Variants in CDH2 observed in about 807,000 individuals in gnomAD.
CDH2 encodes cadherin 2, also known as cadherin-2.
Under a neutral mutation model 92.0 loss-of-function variants are expected in CDH2, and 17 were observed. The observed-to-expected ratio is 0.18, with a 90% CI of 0.13 to 0.28. The LOEUF (loss-of-function observed/expected upper bound fraction) is 0.28, where lower values mean the gene tolerates loss of function less well. Among genes scored for constraint, CDH2 ranks in the 10% least tolerant of loss-of-function variants. The pLI, the probability that CDH2 is intolerant of heterozygous loss-of-function variation, is 1.00. For synonymous variants in CDH2, 419 were observed against 415.9 expected, an observed-to-expected ratio of 1.01 and a Z score of -0.09; for missense variants, 862 against 1,133.1, an observed-to-expected ratio of 0.76 and a Z score of 3.44.
intron 7 of CDH2, among the ~76,000 whole-genome samples, chr18:28,001,220 G>T (rs1000019970): frequency 6.6e-6 from 1 of 152,126 alleles, no homozygotes; most frequent in Non-Finnish European, 1.5e-5. Flanking sequence ...ATGGCCTCAC[G>T]TCAGGCTTTC....
Position 28,167,895 on chromosome 18 carries a change from C to T in CDH2, c.60+9068G>A, listed in dbSNP as rs571957915. On this transcript the variant is annotated intron_variant, in intron 1 of 15. Transcript: ENST00000269141. The stretch of plus-strand genomic sequence containing the variant: ...TTAGCAAGAGAGTGGGTGCCAAAGG[C>T]CAATATTTTCGCTGCAAAAACAGAC... 7.9e-5 allele frequency among the ~76,000 whole-genome samples: 12 copies of T among 152,122 alleles called. No homozygotes were observed. The South Asian group carries it at 2.5e-3, about 32-fold the overall frequency.
At chr18:27,961,605 T>A (rs1221964424) in intron 15 of CDH2, among the ~76,000 whole-genome samples, 2 of 152,106 alleles carry the variant, frequency 1.3e-5, no homozygotes. Context: ...TGTGGGGACG[T>A]GAGGGGTAGA....
intron 2 of CDH2, among the ~76,000 whole-genome samples, chr18:28,016,584 T>C (rs2013253713): frequency 2.0e-5 from 3 of 152,188 alleles, no homozygotes. Context: ...ACCTTAAAAA[T>C]GACTCCTGAG....
rs555666990 is a variant in CDH2 at position 28,108,407 on chromosome 18, TACTC to T, written c.172+39262_172+39265del. On this transcript the variant is annotated intron_variant, in intron 2 of 15. Transcript: ENST00000269141. ...TCATTGCTGAAGGACAAACTACAAA[TACTC>T]AAGGAAAAGATCCATTTGTTGAGAT... 1.5e-3 allele frequency among the ~76,000 whole-genome samples: 227 copies of T among 152,264 alleles called. 1 individual carries two copies. Among genetic ancestry groups the T allele is most frequent in the African/African-American group, 5.1e-3 (213 of 41,568 alleles).
At chr18:28,063,399 T>G (rs2014442762) in intron 2 of CDH2, among the ~76,000 whole-genome samples, 1 of 152,186 alleles carries the variant, frequency 6.6e-6, no homozygotes, top group African/African-American at 2.4e-5. Context: ...TTTCAGGGAA[T>G]GAGAAGAGAC....
intron 2 of CDH2, among the ~76,000 whole-genome samples, chr18:28,129,429 A>C (rs2015730654): frequency 1.3e-5 from 2 of 152,252 alleles, no homozygotes; most frequent in African/African-American, 4.8e-5. Flanking sequence ...GAACCAAAAT[A>C]TCAAAACTTT....
chr18:27,958,944 C>T (rs1395206679), intron 15 of CDH2, among the ~76,000 whole-genome samples: 1 of 152,174 alleles, frequency 6.6e-6, no homozygotes, highest in Non-Finnish European at 1.5e-5. Flanking sequence ...TTTCCTGAGG[C>T]TTTCCCAGCC....
intron 14 of CDH2, among the ~76,000 whole-genome samples, chr18:27,970,466 TTCCC>T (rs1390840846): frequency 6.6e-6 from 1 of 152,256 alleles, no homozygotes; most frequent in East Asian, 1.9e-4. Context: ...ATCAAAATCC[TTCCC>T]TAGTTTATGA....
Position 28,170,512 on chromosome 18 carries a change from A to AT in CDH2, c.60+6450dup, listed in dbSNP as rs971324635. On this transcript the variant is annotated intron_variant, in intron 1 of 15. Coordinates refer to ENST00000269141, the MANE Select transcript of CDH2 (RefSeq NM_001792.5). Reference sequence around the variant, plus strand: ...GGGTGCCTACCATCATGCCCAGCTAATTTTTTGTATTTTTAGTAGAGACAG... The same window carrying AT: ...GGGTGCCTACCATCATGCCCAGCTAATTTTTTTGTATTTTTAGTAGAGACAG... Among the ~76,000 whole-genome samples, 156 of 152,082 alleles carry AT rather than the reference A, an allele frequency of 1.0e-3. 1 individual carries two copies. The highest frequency in any genetic ancestry group is 3.6e-3 in the African/African-American group (148 of 41,504).
intron 2 of CDH2, among the ~76,000 whole-genome samples, chr18:28,104,428 T>C (rs2015287694): frequency 6.6e-6 from 1 of 152,030 alleles, no homozygotes; most frequent in Admixed American, 6.5e-5. Flanking sequence ...TTTCTCCTTC[T>C]TCAAATATTT....
chr18:27,969,722 G>A lies in CDH2; in HGVS notation c.2350-6201C>T, dbSNP rs148618937. ...AAATAATGAAAGTTTGGCCAGGTAC[G>A]GCAGCTCAGCTTGGCCGGGTGCGGC... On this transcript the variant is annotated intron_variant, in intron 14 of 15. Transcript: ENST00000269141. Among the ~76,000 whole-genome samples the A allele has an allele frequency of 1.7e-3, 254 of 152,276 alleles. 2 individuals are homozygous for A. The Middle Eastern group carries it at 0.024, about 14-fold the overall frequency.
chr18:28,032,109 GC>G (rs1044478135), intron 2 of CDH2, among the ~76,000 whole-genome samples: 1 of 152,114 alleles, frequency 6.6e-6, no homozygotes, highest in Non-Finnish European at 1.5e-5. Flanking sequence ...TGGCCAAGAT[GC>G]CCCAGATCAC....
intron 2 of CDH2, among the ~76,000 whole-genome samples, chr18:28,108,369 T>C (rs1002814040): frequency 1.3e-5 from 2 of 152,192 alleles, no homozygotes; most frequent in African/African-American, 4.8e-5. Context: ...TCTACAGTCA[T>C]TGGTATATCT....
intron 6 of CDH2, among the ~76,000 whole-genome samples, chr18:27,941,281 C>T (rs545127189): frequency 2.6e-5 from 4 of 152,048 alleles, no homozygotes; most frequent in Non-Finnish European, 4.4e-5. Flanking sequence ...GTGATCCGCC[C>T]GTCTCGGCCT....
At chr18:27,961,154 T>C (rs1291827944) in intron 15 of CDH2, among the ~76,000 whole-genome samples, 1 of 151,936 alleles carries the variant, frequency 6.6e-6, no homozygotes, top group African/African-American at 2.4e-5. Context: ...TCAGTATCCA[T>C]TGAATCTCAA....
At chr18:28,002,976 T>TA (rs772377974) in intron 7 of CDH2, 21 bp downstream of exon 7, 62 of 1,607,746 alleles carry the variant, frequency 3.9e-5, no homozygotes, top group Non-Finnish European at 4.9e-5. Flanking sequence ...CAAACACAAA[T>TA]AGAGTTTTTG....
At chr18:27,967,482 T>C (rs1161646465) in intron 14 of CDH2, among the ~76,000 whole-genome samples, 1 of 152,200 alleles carries the variant, frequency 6.6e-6, no homozygotes, top group Non-Finnish European at 1.5e-5. Context: ...TTCATGGCCT[T>C]ACTCCTGAAG....
At chr18:28,156,420 A>G (rs1424510269) in intron 1 of CDH2, among the ~76,000 whole-genome samples, 3 of 150,134 alleles carry the variant, frequency 2.0e-5, no homozygotes, top group Non-Finnish European at 2.9e-5. Flanking sequence ...TCCCAGGTAC[A>G]GAATGTCACC....
chr18:28,019,391 A>G (rs1433481351), intron 2 of CDH2, among the ~76,000 whole-genome samples: 1 of 148,706 alleles, frequency 6.7e-6, no homozygotes, highest in African/African-American at 2.4e-5. Context: ...GAAAAAAGAA[A>G]AGAAAAAGAG....
Sources: gnomAD v4.1 joint callset for allele counts (sites outside exome capture counted in the v4.1 genomes callset) on GRCh38, gnomAD v4.1.1 for gene constraint, MANE v1.5 for transcripts, NCBI Gene and HGNC (gene_info 2026-07-23, HGNC 2026-07-21) for gene names.